The following NEDD4 variants were observed in gnomAD, a reference collection of about 807,000 sequenced individuals.
The protein encoded by NEDD4 is NEDD4 E3 ubiquitin protein ligase.
Under a neutral mutation model 144.9 loss-of-function variants are expected in NEDD4, and 99 were observed. That is an observed-to-expected ratio of 0.68 (90% CI 0.58 to 0.81). The LOEUF (loss-of-function observed/expected upper bound fraction) is 0.81. Ranked by LOEUF, NEDD4 falls within the 30% of genes least tolerant of loss-of-function variation. NEDD4 has a pLI of 0.00. For missense variants in NEDD4, 985 were observed against 1,065.9 expected (o/e 0.92, Z 1.06); for synonymous variants, 318 against 350.6 (o/e 0.91, Z 1.04).
chr15:55,863,421 C>T (rs1265475864), intron 8 of NEDD4, among the ~76,000 whole-genome samples: 1 of 151,976 alleles, frequency 6.6e-6, no homozygotes, highest in Non-Finnish European at 1.5e-5. Context: ...AACTTTAAAA[C>T]AAATCTATTT....
chr15:55,869,114 A>G (rs2034685481), intron 8 of NEDD4, among the ~76,000 whole-genome samples: 1 of 152,140 alleles, frequency 6.6e-6, no homozygotes, highest in South Asian at 2.1e-4. Context: ...TACTTGCCCC[A>G]CATACAGAAG....
chr15:55,893,878 T>C (rs1281294758), intron 5 of NEDD4, among the ~76,000 whole-genome samples: 12 of 151,028 alleles, frequency 7.9e-5, no homozygotes, highest in African/African-American at 2.9e-4. Context: ...GGTAAACCAA[T>C]CTTATTAATA....
chr15:55,956,780 T>G (rs562684196), intron 2 of NEDD4, among the ~76,000 whole-genome samples: 1 of 152,202 alleles, frequency 6.6e-6, no homozygotes, highest in Non-Finnish European at 1.5e-5. Context: ...GTTTTGGCTA[T>G]TCTATGTGCC....
intron 2 of NEDD4, among the ~76,000 whole-genome samples, chr15:55,953,336 T>C (rs2037278988): frequency 6.6e-6 from 1 of 152,124 alleles, no homozygotes; most frequent in African/African-American, 2.4e-5. Context: ...AGGTAGGTAC[T>C]ATTCCTTTCT....
intron 4 of NEDD4, among the ~76,000 whole-genome samples, chr15:55,948,023 C>CA (rs2037155672): frequency 6.6e-6 from 1 of 152,176 alleles, no homozygotes; most frequent in Non-Finnish European, 1.5e-5. Flanking sequence ...TCCCTGTTTG[C>CA]AGATGACATG....
At chr15:55,915,012 T>G (rs1438910275) in intron 5 of NEDD4, among the ~76,000 whole-genome samples, 6 of 152,050 alleles carry the variant, frequency 3.9e-5, no homozygotes, top group Admixed American at 3.3e-4. Context: ...TTGTAGAAAG[T>G]TTTTTATGTT....
At chr15:55,952,225 T>C (rs139269466) in intron 2 of NEDD4, among the ~76,000 whole-genome samples, 1 of 150,932 alleles carries the variant, frequency 6.6e-6, no homozygotes, top group African/African-American at 2.4e-5. Flanking sequence ...TCACAACTAC[T>C]CGGGAGGCTG....
chr15:55,906,526 G>A (rs1163190287), intron 5 of NEDD4, among the ~76,000 whole-genome samples: 5 of 151,786 alleles, frequency 3.3e-5, no homozygotes, highest in Non-Finnish European at 5.9e-5. Context: ...GCAAACTATC[G>A]CAGGGACAAA....
intron 5 of NEDD4, among the ~76,000 whole-genome samples, chr15:55,900,809 A>C (rs563371237): frequency 1.3e-5 from 2 of 152,282 alleles, no homozygotes; most frequent in South Asian, 4.1e-4. Context: ...TTTTAATATG[A>C]AGATAAATTG....
At position 55,889,408 on chromosome 15, in the gene NEDD4, C is replaced by T. The variant is rs549687702; in HGVS notation, c.292-15400G>A. Among the ~76,000 whole-genome samples, 38 of 152,186 alleles carry T rather than the reference C, an allele frequency of 2.5e-4. 1 individual carries two copies. The highest frequency in any genetic ancestry group is 7.5e-4 in the African/African-American group (31 of 41,514). ...ATCCAGCCATAAAAGGAATGAGATC[C>T]GCTCATTTGCAACAACTGGATAAAA... On this transcript the variant is annotated intron_variant, in intron 5 of 28. Coordinates refer to ENST00000435532, the MANE Select transcript of NEDD4 (RefSeq NM_006154.4).
chr15:55,908,940 T>C (rs1168079732), intron 5 of NEDD4, among the ~76,000 whole-genome samples: 4 of 152,204 alleles, frequency 2.6e-5, no homozygotes, highest in Non-Finnish European at 5.9e-5. Context: ...TTTAGGTATA[T>C]CTGTACTTAA....
chr15:55,955,872 G>C (rs1347531409), intron 2 of NEDD4, among the ~76,000 whole-genome samples: 2 of 150,356 alleles, frequency 1.3e-5, no homozygotes, highest in African/African-American at 4.9e-5. Flanking sequence ...CTGGAGTAAG[G>C]TGGCACAAAC....
intron 12 of NEDD4, among the ~76,000 whole-genome samples, chr15:55,852,766 G>A (rs541142401): frequency 6.6e-6 from 1 of 150,938 alleles, no homozygotes; most frequent in Admixed American, 6.6e-5. Flanking sequence ...GAGAGACAGA[G>A]AGAGACAGGG....
chr15:55,841,789 T>C, intron 19 of NEDD4, 145 bp downstream of exon 19: 1 of 652,686 alleles, frequency 1.5e-6, no homozygotes, highest in East Asian at 2.8e-5. Context: ...GCTAGGATGG[T>C]CTCGATATCC....
At chr15:55,841,860 T>C (rs1022763260) in intron 19 of NEDD4, 74 bp downstream of exon 19, 12 of 1,303,172 alleles carry the variant, frequency 9.2e-6, no homozygotes, top group Middle Eastern at 3.7e-4. Flanking sequence ...CATGAGCCAC[T>C]GCACCCGGCC....
At chr15:55,963,098 T>A (rs1320265723) in intron 2 of NEDD4, among the ~76,000 whole-genome samples, 2 of 151,838 alleles carry the variant, frequency 1.3e-5, no homozygotes, top group African/African-American at 4.8e-5. Flanking sequence ...GTTACTTTTT[T>A]AAATCATTTG....
At chr15:55,956,048 A>C (rs1267691593) in intron 2 of NEDD4, among the ~76,000 whole-genome samples, 3 of 152,084 alleles carry the variant, frequency 2.0e-5, no homozygotes, top group Non-Finnish European at 2.9e-5. Flanking sequence ...TCCAGGGCTC[A>C]AGTGATCCTC....
chr15:55,969,756 G>C (rs2037576296), intron 1 of NEDD4, among the ~76,000 whole-genome samples: 1 of 152,024 alleles, frequency 6.6e-6, no homozygotes, highest in East Asian at 1.9e-4. Flanking sequence ...TAAACATCGG[G>C]GTAGCCAGGC....
intron 1 of NEDD4, among the ~76,000 whole-genome samples, chr15:55,989,106 C>T (rs1480567629): frequency 1.3e-5 from 2 of 152,020 alleles, no homozygotes; most frequent in South Asian, 2.1e-4. Context: ...CGTGGTGGTG[C>T]GTGCCTATAA....
Sources: gnomAD v4.1 joint callset for allele counts (sites outside exome capture counted in the v4.1 genomes callset) on GRCh38, gnomAD v4.1.1 for gene constraint, MANE v1.5 for transcripts, NCBI Gene and HGNC (gene_info 2026-07-23, HGNC 2026-07-21) for gene names.